PGCKA1: variants seen among roughly 807,000 people sequenced by gnomAD.
PGCKA1 encodes the protein PDCD10 and GCKIII kinases-associated protein 1.
At chr4:37,489,109 T>A in the PGCKA1 span, among the ~76,000 whole-genome samples, 1 of 151,886 alleles carries the variant, frequency 6.6e-6, no homozygotes, top group Admixed American at 6.6e-5. Context: ...AAGAAGGAAA[T>A]GGGGATTGCT....
chr4:37,556,244 C>G, the PGCKA1 span, among the ~76,000 whole-genome samples: 1 of 144,030 alleles, frequency 6.9e-6, no homozygotes, highest in Non-Finnish European at 1.5e-5. Context: ...TTTTTATTTT[C>G]TTTTTCTTTT....
At chr4:37,460,869 G>C in the PGCKA1 span, 2 of 395,994 alleles carry the variant, frequency 5.1e-6, no homozygotes, top group East Asian at 1.7e-4. Context: ...TTTGGTTTTT[G>C]TTGCAATTAT....
At chr4:37,590,835 T>C in the PGCKA1 span, 2 of 1,614,100 alleles carry the variant, frequency 1.2e-6, no homozygotes, top group Non-Finnish European at 1.7e-6. Context: ...AGAAGGGTCC[T>C]GTTCATGCCA....
At chr4:37,582,394 G>A in the PGCKA1 span, among the ~76,000 whole-genome samples, 3 of 152,116 alleles carry the variant, frequency 2.0e-5, no homozygotes, top group Non-Finnish European at 4.4e-5. Flanking sequence ...CCAGTACAAT[G>A]TTCAAAAGCA....
At chr4:37,589,891 C>G in the PGCKA1 span, among the ~76,000 whole-genome samples, 1 of 152,242 alleles carries the variant, frequency 6.6e-6, no homozygotes, top group Non-Finnish European at 1.5e-5. Context: ...CTTGGCCACC[C>G]AAATTGCTGA....
chr4:37,557,491 G>T, the PGCKA1 span, among the ~76,000 whole-genome samples: 1 of 152,194 alleles, frequency 6.6e-6, no homozygotes, highest in Non-Finnish European at 1.5e-5. Context: ...TTGGCGTCTG[G>T]TGAGGACCTG....
chr4:37,456,888 G>A, the PGCKA1 span, among the ~76,000 whole-genome samples: 2 of 152,204 alleles, frequency 1.3e-5, no homozygotes, highest in East Asian at 1.9e-4. Context: ...GAACTGATTC[G>A]AAAGATAGTT....
the PGCKA1 span, among the ~76,000 whole-genome samples, chr4:37,568,936 TAATA>T: frequency 4.0e-5 from 6 of 151,898 alleles, no homozygotes; most frequent in Admixed American, 6.6e-5. Flanking sequence ...CCAAAAAAAT[TAATA>T]AATAAAAATA....
At chr4:37,569,528 A>G in the PGCKA1 span, among the ~76,000 whole-genome samples, 67 of 152,200 alleles carry the variant, frequency 4.4e-4, no homozygotes, top group African/African-American at 1.5e-3. Context: ...ATACCTGGGC[A>G]CAGACTTTGC....
At chr4:37,454,040 G>C in the PGCKA1 span, 1 of 155,752 alleles carries the variant, frequency 6.4e-6, no homozygotes, top group Non-Finnish European at 1.4e-5. Flanking sequence ...TCTGGCCCCA[G>C]GTAGGGACAA....
At chr4:37,475,949 A>G in the PGCKA1 span, among the ~76,000 whole-genome samples, 1 of 150,672 alleles carries the variant, frequency 6.6e-6, no homozygotes, top group African/African-American at 2.4e-5. Flanking sequence ...ATTTTATTTT[A>G]AAATACATTA....
chr4:37,482,346 C>T, the PGCKA1 span, among the ~76,000 whole-genome samples: 33 of 152,190 alleles, frequency 2.2e-4, no homozygotes, highest in African/African-American at 6.3e-4. Flanking sequence ...AAGTCCAGGC[C>T]GAGGTGGTTT....
chr4:37,467,958 G>A, the PGCKA1 span, among the ~76,000 whole-genome samples: 63,345 of 152,012 alleles, frequency 0.42, 14,021 homozygotes, highest in Non-Finnish European at 0.49. Flanking sequence ...TCAGGAGCTC[G>A]CTCATGTTCT....
chr4:37,567,804 C>G, the PGCKA1 span, among the ~76,000 whole-genome samples: 1 of 152,156 alleles, frequency 6.6e-6, no homozygotes, highest in Non-Finnish European at 1.5e-5. Flanking sequence ...ATGTTGCACA[C>G]AGCTGTGAGC....
chr4:37,571,012 C>T, the PGCKA1 span, among the ~76,000 whole-genome samples: 8 of 152,342 alleles, frequency 5.3e-5, no homozygotes, highest in Non-Finnish European at 1.0e-4. Flanking sequence ...ATCTCATACC[C>T]ATCATGCCTT....
chr4:37,471,703 A>T, the PGCKA1 span, among the ~76,000 whole-genome samples: 1 of 152,188 alleles, frequency 6.6e-6, no homozygotes, highest in East Asian at 1.9e-4. Flanking sequence ...AATGATTTAA[A>T]TGGGAGAGGG....
At chr4:37,472,748 A>T in the PGCKA1 span, among the ~76,000 whole-genome samples, 4 of 152,126 alleles carry the variant, frequency 2.6e-5, no homozygotes, top group Admixed American at 1.3e-4. Context: ...TGATGCTTTT[A>T]TGCTATTACA....
At chr4:37,464,815 G>T in the PGCKA1 span, among the ~76,000 whole-genome samples, 2 of 152,202 alleles carry the variant, frequency 1.3e-5, no homozygotes, top group Non-Finnish European at 2.9e-5. Context: ...AGCATGTAAA[G>T]AACTTGTTAG....
chr4:37,531,912 AG>A, the PGCKA1 span, among the ~76,000 whole-genome samples: 8 of 149,660 alleles, frequency 5.3e-5, no homozygotes, highest in South Asian at 4.3e-4. Flanking sequence ...AAAAAAAAAA[AG>A]AATGAAGTAA....
Sources: gnomAD v4.1 joint callset for allele counts (sites outside exome capture counted in the v4.1 genomes callset) on GRCh38, gnomAD v4.1.1 for gene constraint, MANE v1.5 for transcripts, NCBI Gene and HGNC (gene_info 2026-07-23, HGNC 2026-07-21) for gene names.